MTUS2: variants seen among roughly 807,000 people sequenced by gnomAD.
MTUS2 encodes the protein microtubule associated scaffold protein 2.
In MTUS2, 40 loss-of-function variants were observed where a neutral mutation model predicts 114.1. That is an observed-to-expected ratio of 0.35 (90% CI 0.27 to 0.46). The LOEUF (loss-of-function observed/expected upper bound fraction) is 0.46. Among genes scored for constraint, MTUS2 ranks in the 20% least tolerant of loss-of-function variants. The probability of loss-of-function intolerance (pLI) is 1.00; values close to 1 mark genes in which losing one functional copy is unlikely to be tolerated. For missense variants in MTUS2, 1,679 were observed against 1,705.4 expected (o/e 0.98, Z 0.27); for synonymous variants, 688 against 672.0 (o/e 1.02, Z -0.37).
chr13:28,911,997 T>C (rs1280405612), intron 2 of MTUS2, among the ~76,000 whole-genome samples: 1 of 152,070 alleles, frequency 6.6e-6, no homozygotes, highest in East Asian at 1.9e-4. Context: ...GCAGAAGCCC[T>C]TTAGTTTAAT....
At chr13:29,155,698 G>A (rs1388120207) in intron 5 of MTUS2, among the ~76,000 whole-genome samples, 1 of 151,996 alleles carries the variant, frequency 6.6e-6, no homozygotes, top group East Asian at 1.9e-4. Flanking sequence ...AAATATATGT[G>A]TGTATATATA....
chr13:29,270,041 C>T (rs1351844148), intron 5 of MTUS2, among the ~76,000 whole-genome samples: 1 of 151,954 alleles, frequency 6.6e-6, no homozygotes, highest in Non-Finnish European at 1.5e-5. Context: ...TGGTGGTTGC[C>T]AGGGGCTACA....
intron 2 of MTUS2, among the ~76,000 whole-genome samples, chr13:28,849,256 G>A (rs1483042648): frequency 6.6e-6 from 1 of 152,270 alleles, no homozygotes; most frequent in East Asian, 1.9e-4. Context: ...AATATGTGCC[G>A]GAGTTTATGA....
intron 4 of MTUS2, among the ~76,000 whole-genome samples, chr13:29,047,723 C>T (rs1566323618): frequency 6.6e-6 from 1 of 152,130 alleles, no homozygotes; most frequent in Non-Finnish European, 1.5e-5. Flanking sequence ...CTGTGTTAGC[C>T]AGGATGGTCT....
intron 8 of MTUS2, among the ~76,000 whole-genome samples, chr13:29,430,228 A>G (rs1018681553): frequency 6.6e-6 from 1 of 152,202 alleles, no homozygotes; most frequent in Non-Finnish European, 1.5e-5. Flanking sequence ...ATATTTCTAA[A>G]TCCTAATGCA....
chr13:29,478,591 A>G (rs547443531), intron 9 of MTUS2, among the ~76,000 whole-genome samples: 1 of 152,182 alleles, frequency 6.6e-6, no homozygotes, highest in Non-Finnish European at 1.5e-5. Flanking sequence ...TATTGTTTAG[A>G]ATTATTGGTG....
chr13:29,068,915 G>A (rs766538699), intron 4 of MTUS2, among the ~76,000 whole-genome samples: 9 of 152,128 alleles, frequency 5.9e-5, no homozygotes, highest in Non-Finnish European at 1.0e-4. Context: ...GGATTGATAC[G>A]ATCCTCCTTC....
At chr13:29,196,623 GCCT>G (rs1348207310) in intron 5 of MTUS2, among the ~76,000 whole-genome samples, 1 of 151,958 alleles carries the variant, frequency 6.6e-6, no homozygotes, top group Non-Finnish European at 1.5e-5. Context: ...ACCTTTCATT[GCCT>G]CCTCCTCCAC....
At chr13:29,497,108 C>A (rs7329421) in intron 12 of MTUS2, 130 bp from the exon 13 acceptor site, 50,094 of 770,752 alleles carry the variant, frequency 0.065, 1,924 homozygotes, top group Non-Finnish European at 0.082. Flanking sequence ...GCACCTCTTT[C>A]TTCAGCCCCA....
At chr13:28,923,653 G>A (rs1881170757) in intron 2 of MTUS2, among the ~76,000 whole-genome samples, 1 of 152,152 alleles carries the variant, frequency 6.6e-6, no homozygotes. Flanking sequence ...TCTGTGTCCA[G>A]CTGCTTGTTG....
chr13:29,210,889 A>C (rs1566068361), intron 5 of MTUS2, among the ~76,000 whole-genome samples: 1 of 152,066 alleles, frequency 6.6e-6, no homozygotes, highest in Non-Finnish European at 1.5e-5. Context: ...GCACTGGATT[A>C]GTGTTGGTTG....
chr13:29,475,222 T>C (rs1049697654), intron 9 of MTUS2, among the ~76,000 whole-genome samples: 1 of 152,198 alleles, frequency 6.6e-6, no homozygotes, highest in African/African-American at 2.4e-5. Context: ...CAGAGCCTCA[T>C]AGCACAATGC....
chr13:29,317,432 C>CTCTTTT (rs1900041555), intron 6 of MTUS2, among the ~76,000 whole-genome samples: 1 of 51,666 alleles, frequency 1.9e-5, no homozygotes, highest in African/African-American at 6.6e-5. Flanking sequence ...CTCTCTCTCT[C>CTCTTTT]TTTTTTTTTT....
chr13:29,247,085 G>A (rs937740422), intron 5 of MTUS2, among the ~76,000 whole-genome samples: 2 of 152,130 alleles, frequency 1.3e-5, no homozygotes, highest in Non-Finnish European at 2.9e-5. Context: ...CAATTGGACA[G>A]AATAGAAAAC....
chr13:29,194,344 A>G (rs1894580668), intron 5 of MTUS2, among the ~76,000 whole-genome samples: 1 of 149,388 alleles, frequency 6.7e-6, no homozygotes, highest in African/African-American at 2.4e-5. Flanking sequence ...CAACCTACTC[A>G]TCTGACAAAG....
chr13:29,315,385 G>T (rs1899944786), intron 6 of MTUS2, among the ~76,000 whole-genome samples: 1 of 152,140 alleles, frequency 6.6e-6, no homozygotes, highest in Admixed American at 6.5e-5. Context: ...ATCCCAATTT[G>T]ATCACCGCAT....
At chr13:29,367,032 A>G (rs1370279363) in intron 8 of MTUS2, among the ~76,000 whole-genome samples, 1 of 152,130 alleles carries the variant, frequency 6.6e-6, no homozygotes, top group Non-Finnish European at 1.5e-5. Context: ...CATCCTAATC[A>G]TTCTGTCTAT....
At chr13:29,322,966 A>T (rs1164570603) in intron 6 of MTUS2, among the ~76,000 whole-genome samples, 2 of 152,198 alleles carry the variant, frequency 1.3e-5, no homozygotes, top group African/African-American at 4.8e-5. Flanking sequence ...CAGTGTCAGT[A>T]GGGCATGGGG....
At chr13:29,322,681 G>C (rs550432259) in intron 6 of MTUS2, among the ~76,000 whole-genome samples, 2 of 152,308 alleles carry the variant, frequency 1.3e-5, no homozygotes, top group East Asian at 1.9e-4. Context: ...CAGGCATGGT[G>C]AGGAGACCTT....
Sources: gnomAD v4.1 joint callset for allele counts (sites outside exome capture counted in the v4.1 genomes callset) on GRCh38, gnomAD v4.1.1 for gene constraint, MANE v1.5 for transcripts, NCBI Gene and HGNC (gene_info 2026-07-23, HGNC 2026-07-21) for gene names.